The following NUDC variants were observed in gnomAD, a reference collection of about 807,000 sequenced individuals.
The protein encoded by NUDC is nuclear distribution C, dynein complex regulator, also known as nuclear migration protein nudC.
A neutral mutation model predicts 45.0 loss-of-function variants in NUDC; 14 were observed. The ratio of observed to expected loss-of-function variants is 0.31; its 90% CI spans 0.21 to 0.49. NUDC has a LOEUF of 0.49. NUDC is among the 20% of genes least tolerant of loss of function. The probability of loss-of-function intolerance (pLI) is 0.99; values close to 1 mark genes in which losing one functional copy is unlikely to be tolerated. For synonymous variants in NUDC, 153 were observed against 156.7 expected, an observed-to-expected ratio of 0.98 and a Z score of 0.17; for missense variants, 323 against 426.2, an observed-to-expected ratio of 0.76 and a Z score of 2.13.
intron 2 of NUDC, among the ~76,000 whole-genome samples, chr1:26,936,641 A>C (rs1381147966): frequency 6.6e-6 from 1 of 152,056 alleles, no homozygotes; most frequent in Non-Finnish European, 1.5e-5. Context: ...TACCTGGCCT[A>C]CAAAAAAAAA....
chr1:26,931,098 G>A (rs2082179200), intron 2 of NUDC, among the ~76,000 whole-genome samples: 1 of 151,484 alleles, frequency 6.6e-6, no homozygotes, highest in Non-Finnish European at 1.5e-5. Flanking sequence ...GTTTGTTTGA[G>A]ACGGAGTCTC....
chr1:26,930,471 A>G (rs1346492071), intron 2 of NUDC, among the ~76,000 whole-genome samples: 1 of 152,170 alleles, frequency 6.6e-6, no homozygotes, highest in Non-Finnish European at 1.5e-5. Flanking sequence ...TTAAAAAAAT[A>G]TGGGCTGAGA....
At chr1:26,921,440 G>C (rs1323811056), upstream of NUDC, among the ~76,000 whole-genome samples, 5 of 152,180 alleles carry the variant, frequency 3.3e-5, no homozygotes, top group Admixed American at 6.6e-5. Context: ...GGGGTCGCTA[G>C]CAAGGGAGAG....
intron 1 of NUDC, chr1:26,922,309 G>T: frequency 3.0e-6 from 1 of 337,152 alleles, no homozygotes; most frequent in Non-Finnish European, 5.7e-6. Flanking sequence ...GAATGTGTGT[G>T]GTAGGGGAGC....
chr1:26,904,639 C>CT (rs1469557553), intron 2 of NUDC, among the ~76,000 whole-genome samples: 7 of 152,082 alleles, frequency 4.6e-5, no homozygotes, highest in Admixed American at 1.3e-4. Flanking sequence ...AGCATGGGCC[C>CT]TGAAGACAGA....
chr1:26,903,223 T>C (rs2081987988), intron 2 of NUDC, among the ~76,000 whole-genome samples: 1 of 152,170 alleles, frequency 6.6e-6, no homozygotes, highest in Admixed American at 6.5e-5. Context: ...GTTTTATTTA[T>C]GCAAAGTTCC....
chr1:26,907,558 A>G (rs1434731562), intron 2 of NUDC, among the ~76,000 whole-genome samples: 1 of 151,044 alleles, frequency 6.6e-6, no homozygotes, highest in East Asian at 1.9e-4. Flanking sequence ...AGGATATTTG[A>G]ATGCCCCAAG....
At chr1:26,936,540 G>A (rs574522171) in intron 2 of NUDC, among the ~76,000 whole-genome samples, 2 of 151,416 alleles carry the variant, frequency 1.3e-5, no homozygotes, top group South Asian at 2.1e-4. Context: ...TGGCCAGGCT[G>A]GTCTCGAACT....
intron 3 of NUDC, chr1:26,913,874 C>A: frequency 6.7e-7 from 1 of 1,494,662 alleles, no homozygotes. Flanking sequence ...CTCAGAAGTG[C>A]GTAGAGAATG....
chr1:26,924,953 T>C (rs2082119177), intron 2 of NUDC, among the ~76,000 whole-genome samples: 1 of 151,836 alleles, frequency 6.6e-6, no homozygotes, highest in South Asian at 2.1e-4. Flanking sequence ...TAATCTAGGC[T>C]CACTGCAACC....
chr1:26,925,538 CAAAAAAA>C (rs71010305), intron 2 of NUDC, among the ~76,000 whole-genome samples: 10 of 43,360 alleles, frequency 2.3e-4, no homozygotes, highest in Non-Finnish European at 3.8e-4. Context: ...GACTCCGTCT[CAAAAAAA>C]AAAAAAAAAA....
chr1:26,927,003 G>T (rs184423184), intron 2 of NUDC, among the ~76,000 whole-genome samples: 148 of 152,258 alleles, frequency 9.7e-4, no homozygotes, highest in African/African-American at 3.3e-3. Flanking sequence ...TTTGTTCTTT[G>T]TTTTCATGGA....
At chr1:26,906,614 C>T (rs1557664659) in intron 2 of NUDC, among the ~76,000 whole-genome samples, 2 of 152,054 alleles carry the variant, frequency 1.3e-5, no homozygotes, top group Non-Finnish European at 2.9e-5. Context: ...CTTTGGGAGG[C>T]CAAGGCAGGC....
intron 2 of NUDC, among the ~76,000 whole-genome samples, chr1:26,936,031 T>C (rs1200434861): frequency 6.9e-6 from 1 of 145,904 alleles, no homozygotes; most frequent in Non-Finnish European, 1.5e-5. Context: ...TGCAGTGGCA[T>C]GATCTTGGCT....
Position 26,942,897 on chromosome 1 carries a change from C to G in NUDC, c.573C>G (p.Phe191Leu). ...LDLAVPFCVN[F>L]RLKGKDMVVD... Reference sequence around the variant, plus strand: ...TGGCGGTCCCTTTCTGTGTGAACTTCCGGCTGAAAGGGAAGGACATGGTGG... The same window carrying G: ...TGGCGGTCCCTTTCTGTGTGAACTTGCGGCTGAAAGGGAAGGACATGGTGG... The change falls in exon 6 of 9, where the codon TTC becomes TTG. Residue 191 changes from phenylalanine to leucine, a missense_variant. Coordinates refer to ENST00000321265, the MANE Select transcript of NUDC (RefSeq NM_006600.4). 1.2e-6 allele frequency: 2 copies of G among 1,613,822 alleles called. No homozygotes were observed. The highest frequency in any genetic ancestry group is 1.7e-6 in the Non-Finnish European group (2 of 1,180,038).
intron 2 of NUDC, among the ~76,000 whole-genome samples, chr1:26,925,522 C>T (rs1456313683): frequency 9.8e-6 from 1 of 102,426 alleles, no homozygotes; most frequent in Non-Finnish European, 1.8e-5. Flanking sequence ...GCCTGGGCAA[C>T]AGTGAGACTC....
At chr1:26,921,675 G>A, upstream of NUDC, 1 of 673,340 alleles carries the variant, frequency 1.5e-6, no homozygotes, top group South Asian at 1.8e-5. Flanking sequence ...AAACCGGGAG[G>A]AAGGCGGGAA....
intron 2 of NUDC, among the ~76,000 whole-genome samples, chr1:26,925,980 C>T (rs1292780951): frequency 1.1e-4 from 16 of 151,866 alleles, no homozygotes; most frequent in Admixed American, 1.0e-3. Context: ...CCTTGGCCTC[C>T]CGAAGTGCTG....
Position 26,921,947 on chromosome 1 carries a change from G to A in NUDC, c.81+18G>A, listed in dbSNP as rs1262678370. On this transcript the variant is annotated intron_variant, in intron 1 of 8. Coordinates refer to ENST00000321265, the MANE Select transcript of NUDC (RefSeq NM_006600.4). ...TGCAGGAGGTAACGGCCCGCGCGGC[G>A]TCGGCCCACCCGGCGGCCTTGGCCA... 1.3e-6 allele frequency: 2 copies of A among 1,548,818 alleles called. No individual in the cohort carries two copies. Among genetic ancestry groups the A allele is most frequent in the Non-Finnish European group, 1.7e-6 (2 of 1,145,828 alleles).
Sources: gnomAD v4.1 joint callset for allele counts (sites outside exome capture counted in the v4.1 genomes callset) on GRCh38, gnomAD v4.1.1 for gene constraint, MANE v1.5 for transcripts, NCBI Gene and HGNC (gene_info 2026-07-23, HGNC 2026-07-21) for gene names.